ROCK2: variants seen among roughly 807,000 people sequenced by gnomAD.
ROCK2 encodes the protein Rho associated coiled-coil containing protein kinase 2.
ROCK2 carries 61 observed loss-of-function variants against 195.1 expected under a neutral mutation model. The observed-to-expected ratio is 0.31, with a 90% CI of 0.25 to 0.39. ROCK2 has a LOEUF of 0.39. ROCK2 is among the 10% of genes least tolerant of loss of function. The probability of loss-of-function intolerance (pLI) is 1.00; values close to 1 mark genes in which losing one functional copy is unlikely to be tolerated. For synonymous variants in ROCK2, 504 were observed against 545.5 expected (o/e 0.92, Z 1.06); for missense variants, 1,109 against 1,637.4 (o/e 0.68, Z 5.57).
At chr2:11,326,093 T>A (rs1009884252) in intron 1 of ROCK2, among the ~76,000 whole-genome samples, 1 of 152,136 alleles carries the variant, frequency 6.6e-6, no homozygotes, top group Admixed American at 6.5e-5. Flanking sequence ...TACATCCAAG[T>A]AGAGATGCCC....
intron 3 of ROCK2, among the ~76,000 whole-genome samples, chr2:11,262,795 T>G (rs1666280691): frequency 6.6e-6 from 1 of 152,138 alleles, no homozygotes; most frequent in Non-Finnish European, 1.5e-5. Flanking sequence ...ACTTGGAAAA[T>G]CCTAAAATGG....
chr2:11,207,854 T>C lies in ROCK2; in HGVS notation c.2421A>G (p.Gln807=), dbSNP rs373848748. 7 of 1,610,122 alleles carry C rather than the reference T, an allele frequency of 4.3e-6. No individual in the cohort carries two copies. The African/African-American group carries it at 5.3e-5, about 12-fold the overall frequency. The change falls in exon 20 of 33, where the codon CAA becomes CAG. Residue 807 remains glutamine (Q), a synonymous_variant. Transcript: ENST00000315872. ...EQETQKRCLT[Q]NDLKMQTQQV... Reference sequence around the variant, plus strand: ...GTTGTGTTTGCATCTTCAGGTCATTTTGTGTAAGGCAGCGCTTCTGAGTTT... The same window carrying C: ...GTTGTGTTTGCATCTTCAGGTCATTCTGTGTAAGGCAGCGCTTCTGAGTTT...
At chr2:11,208,689 T>A (rs1348475634) in intron 18 of ROCK2, among the ~76,000 whole-genome samples, 1 of 151,804 alleles carries the variant, frequency 6.6e-6, no homozygotes, top group East Asian at 1.9e-4. Context: ...CCTCCTGGAT[T>A]CAAGCAATTC....
chr2:11,312,389 C>T (rs1015725281), intron 1 of ROCK2, among the ~76,000 whole-genome samples: 2 of 151,962 alleles, frequency 1.3e-5, no homozygotes, highest in African/African-American at 4.8e-5. Flanking sequence ...ATGAACATAG[C>T]CATCAACCCA....
intron 1 of ROCK2, among the ~76,000 whole-genome samples, chr2:11,317,614 T>TATATATA (rs1159420475): frequency 5.9e-3 from 83 of 13,964 alleles, no homozygotes; most frequent in African/African-American, 7.3e-3. Flanking sequence ...ATATATATAT[T>TATATATA]TTTTTTTTTT....
intron 27 of ROCK2, among the ~76,000 whole-genome samples, chr2:11,196,776 G>C (rs1003136789): frequency 6.6e-6 from 1 of 152,190 alleles, no homozygotes; most frequent in African/African-American, 2.4e-5. Flanking sequence ...GTGAGAACTG[G>C]AAGGCTTAGT....
chr2:11,236,141 A>G (rs1318596774), intron 4 of ROCK2, among the ~76,000 whole-genome samples, 179 bp from the exon 5 acceptor site: 1 of 152,202 alleles, frequency 6.6e-6, no homozygotes, highest in Non-Finnish European at 1.5e-5. Context: ...AAACAGTATC[A>G]GACAAAATTT....
chr2:11,312,387 A>G (rs1668064042), intron 1 of ROCK2, among the ~76,000 whole-genome samples: 1 of 152,146 alleles, frequency 6.6e-6, no homozygotes, highest in Non-Finnish European at 1.5e-5. Context: ...TAATGAACAT[A>G]GCCATCAACC....
At chr2:11,194,632 T>A (rs1351098632) in intron 28 of ROCK2, among the ~76,000 whole-genome samples, 2 of 152,004 alleles carry the variant, frequency 1.3e-5, no homozygotes, top group African/African-American at 4.8e-5. Flanking sequence ...ATAAACATAA[T>A]AACATCAATA....
intron 6 of ROCK2, among the ~76,000 whole-genome samples, chr2:11,225,826 A>T (rs1438625963): frequency 6.6e-6 from 1 of 152,222 alleles, no homozygotes; most frequent in Non-Finnish European, 1.5e-5. Context: ...ATGCGTACAA[A>T]CAGACTCACT....
At chr2:11,183,589 C>G in intron 32 of ROCK2, 149 bp from the exon 33 acceptor site, 1 of 589,354 alleles carries the variant, frequency 1.7e-6, no homozygotes, top group Non-Finnish European at 3.0e-6. Context: ...CATAAACATA[C>G]TTACTGTATT....
chr2:11,246,643 T>C (rs933544373), intron 4 of ROCK2, among the ~76,000 whole-genome samples: 1 of 152,166 alleles, frequency 6.6e-6, no homozygotes, highest in African/African-American at 2.4e-5. Context: ...GAAATACAGA[T>C]AGGCCCAAGA....
At chr2:11,268,503 T>TGTGTGA (rs1261030733) in intron 3 of ROCK2, among the ~76,000 whole-genome samples, 1 of 149,068 alleles carries the variant, frequency 6.7e-6, no homozygotes, top group Non-Finnish European at 1.5e-5. Flanking sequence ...TGTGTGTGTG[T>TGTGTGA]GTATTTAACA....
intron 1 of ROCK2, among the ~76,000 whole-genome samples, chr2:11,297,925 T>TA (rs1284724182): frequency 6.6e-6 from 1 of 152,094 alleles, no homozygotes; most frequent in East Asian, 1.9e-4. Context: ...CTAAAACTGT[T>TA]AAAAACTTGT....
chr2:11,187,638 G>A (rs16857263), intron 32 of ROCK2, among the ~76,000 whole-genome samples: 1,656 of 152,174 alleles, frequency 0.011, 20 homozygotes, highest in African/African-American at 0.034. Flanking sequence ...AGAACTTTTC[G>A]TATGTGAAGA....
chr2:11,259,813 A>T (rs1666161902), intron 3 of ROCK2, among the ~76,000 whole-genome samples: 1 of 151,464 alleles, frequency 6.6e-6, no homozygotes, highest in South Asian at 2.1e-4. Flanking sequence ...GTATATAACA[A>T]GAATCCTAAA....
chr2:11,344,951 G>C (rs1572437992), upstream of ROCK2, among the ~76,000 whole-genome samples: 1 of 150,556 alleles, frequency 6.6e-6, no homozygotes, highest in Non-Finnish European at 1.5e-5. This position sits in a 1 kb window ranked among gnomAD's most constrained non-coding sequence, Gnocchi z 5.4. Context: ...GCCGGACCCC[G>C]CGGACTACCC....
chr2:11,244,004 G>A (rs958806176), intron 4 of ROCK2, among the ~76,000 whole-genome samples: 5 of 152,146 alleles, frequency 3.3e-5, no homozygotes, highest in Non-Finnish European at 7.4e-5. Flanking sequence ...CTAGCTGTGT[G>A]AAAGGACATT....
At chr2:11,189,946 G>A (rs1466589994) in intron 32 of ROCK2, among the ~76,000 whole-genome samples, 1 of 151,964 alleles carries the variant, frequency 6.6e-6, no homozygotes, top group Non-Finnish European at 1.5e-5. Flanking sequence ...AGTGAGTCAT[G>A]ATCGTGCCAT....
Sources: allele counts gnomAD v4.1 joint callset (sites outside exome capture counted in the v4.1 genomes callset), GRCh38; gene constraint gnomAD v4.1.1; non-coding constraint Gnocchi (gnomAD v3.1); transcripts MANE v1.5; gene names NCBI Gene and HGNC (gene_info 2026-07-23, HGNC 2026-07-21).